HORMAD2: variants seen among roughly 807,000 people sequenced by gnomAD.
HORMAD2 encodes HORMA domain-containing protein 2.
Under a neutral mutation model 38.8 loss-of-function variants are expected in HORMAD2, and 45 were observed. That is an observed-to-expected ratio of 1.16 (90% CI 0.91 to 1.49). The LOEUF is 1.49. Ranked by LOEUF, HORMAD2 falls within the 40% of genes most tolerant of loss-of-function variation. The probability of loss-of-function intolerance (pLI) is 0.00; values close to 1 mark genes in which losing one functional copy is unlikely to be tolerated. For synonymous variants in HORMAD2, 126 were observed against 122.8 expected, an observed-to-expected ratio of 1.03 and a Z score of -0.17; for missense variants, 338 against 367.0, an observed-to-expected ratio of 0.92 and a Z score of 0.65.
At chr22:30,196,706 T>A in the HORMAD2 span, among the ~76,000 whole-genome samples, 4 of 152,208 alleles carry the variant, frequency 2.6e-5, no homozygotes, top group African/African-American at 9.7e-5. Context: ...AAGTCTGCTG[T>A]GCTCTCTTAA....
At chr22:30,094,807 T>G (rs1395986849) in intron 2 of HORMAD2, among the ~76,000 whole-genome samples, 1 of 152,162 alleles carries the variant, frequency 6.6e-6, no homozygotes, top group Non-Finnish European at 1.5e-5. Context: ...AGCATATGCC[T>G]TGGCTCAGAA....
chr22:30,136,798 C>A, intron 10 of HORMAD2: 1 of 226,556 alleles, frequency 4.4e-6, no homozygotes, highest in South Asian at 8.3e-5. Flanking sequence ...TTTCCCAATT[C>A]AAACTTGGGC....
At chr22:30,133,466 C>CATATAT (rs60408642) in intron 10 of HORMAD2, among the ~76,000 whole-genome samples, 45 of 147,220 alleles carry the variant, frequency 3.1e-4, no homozygotes, top group African/African-American at 9.2e-4. Flanking sequence ...TATATATATA[C>CATATAT]ATATATATAT....
At chr22:30,149,298 A>C (rs1290153055) in intron 10 of HORMAD2, among the ~76,000 whole-genome samples, 4 of 152,208 alleles carry the variant, frequency 2.6e-5, no homozygotes, top group African/African-American at 9.6e-5. Flanking sequence ...TGCACTGCCC[A>C]AAATGGTAGC....
intron 1 of HORMAD2, among the ~76,000 whole-genome samples, chr22:30,083,433 A>G (rs1158640339): frequency 1.3e-5 from 2 of 152,252 alleles, no homozygotes; most frequent in African/African-American, 4.8e-5. Context: ...GAGCCTGAAC[A>G]AAGGGATAAC....
chr22:30,152,811 T>C (rs569968275), intron 10 of HORMAD2, among the ~76,000 whole-genome samples: 1 of 152,224 alleles, frequency 6.6e-6, no homozygotes, highest in Non-Finnish European at 1.5e-5. Flanking sequence ...AAATCTTTGA[T>C]CATATGCTCT....
the HORMAD2 span, among the ~76,000 whole-genome samples, chr22:30,190,041 T>C: frequency 6.6e-6 from 1 of 152,210 alleles, no homozygotes; most frequent in Non-Finnish European, 1.5e-5. Flanking sequence ...AATGGTATAC[T>C]ATTCTAATAC....
At chr22:30,132,509 C>T (rs1303805026) in intron 10 of HORMAD2, among the ~76,000 whole-genome samples, 1 of 149,630 alleles carries the variant, frequency 6.7e-6, no homozygotes, top group African/African-American at 2.5e-5. Flanking sequence ...TACTGCACTC[C>T]AGCCTGGGAG....
At chr22:30,111,760 T>G in intron 5 of HORMAD2, 36 bp from the exon 6 acceptor site, 1 of 1,464,526 alleles carries the variant, frequency 6.8e-7, no homozygotes, top group Admixed American at 2.1e-5. Flanking sequence ...GGTGCAAGTA[T>G]GTAATAATAA....
chr22:30,102,353 G>A (rs539401171), intron 3 of HORMAD2, among the ~76,000 whole-genome samples: 15 of 152,268 alleles, frequency 9.9e-5, no homozygotes, highest in Admixed American at 2.0e-4. Context: ...ATTCCCTATA[G>A]CTTTATTTTT....
At chr22:30,088,177 A>ATG (rs1569079603) in intron 1 of HORMAD2, among the ~76,000 whole-genome samples, 40 of 150,674 alleles carry the variant, frequency 2.7e-4, no homozygotes, top group Non-Finnish European at 7.4e-5. Context: ...ATGTATACAT[A>ATG]TATACATATA....
At chr22:30,141,287 C>T (rs1924055054) in intron 10 of HORMAD2, among the ~76,000 whole-genome samples, 1 of 152,110 alleles carries the variant, frequency 6.6e-6, no homozygotes, top group African/African-American at 2.4e-5. Context: ...CATGAGCCAC[C>T]TCTGATTTCC....
chr22:30,119,056 T>C lies in HORMAD2; in HGVS notation c.410+9T>C. ...ACTATGGATTTTGACAGGTAGAATC[T>C]AACTGCTTAATGAACATGAGAAATA... On this transcript the variant is annotated intron_variant, in intron 8 of 10. Transcript: ENST00000336726. 1.3e-6 allele frequency: 2 copies of C among 1,548,782 alleles called. No individual in the cohort carries two copies. Among genetic ancestry groups the C allele is most frequent in the Non-Finnish European group, 1.8e-6 (2 of 1,136,730 alleles).
At chr22:30,148,771 G>A (rs182134862) in intron 10 of HORMAD2, among the ~76,000 whole-genome samples, 1 of 152,264 alleles carries the variant, frequency 6.6e-6, no homozygotes, top group Non-Finnish European at 1.5e-5. Context: ...TTGGGAGGCC[G>A]AGACGGGCAG....
intron 2 of HORMAD2, among the ~76,000 whole-genome samples, chr22:30,094,903 G>C (rs894612456): frequency 1.3e-5 from 2 of 152,122 alleles, no homozygotes; most frequent in Admixed American, 6.6e-5. Context: ...GCATTGCACT[G>C]TCTTTTCCTA....
intron 1 of HORMAD2, among the ~76,000 whole-genome samples, chr22:30,087,832 A>C (rs2146058907): frequency 6.6e-6 from 1 of 152,252 alleles, no homozygotes; most frequent in South Asian, 2.1e-4. Context: ...ATTCATGAGA[A>C]ACTGCCCAGA....
At chr22:30,151,483 A>G (rs999637574) in intron 10 of HORMAD2, among the ~76,000 whole-genome samples, 3 of 152,208 alleles carry the variant, frequency 2.0e-5, no homozygotes, top group South Asian at 2.1e-4. Context: ...GAGAATTGGT[A>G]AAGTATTGCT....
chr22:30,164,851 TAACCCATTA>T (rs1187615568), intron 10 of HORMAD2, among the ~76,000 whole-genome samples: 1 of 152,218 alleles, frequency 6.6e-6, no homozygotes, highest in Non-Finnish European at 1.5e-5. Flanking sequence ...TTTTGGACAT[TAACCCATTA>T]TTAGATAAAT....
At chr22:30,162,383 C>T (rs1441874749) in intron 10 of HORMAD2, among the ~76,000 whole-genome samples, 2 of 151,970 alleles carry the variant, frequency 1.3e-5, no homozygotes, top group African/African-American at 2.4e-5. Context: ...CCACTAGCCA[C>T]ATGTGGCTAT....
Sources: allele counts gnomAD v4.1 joint callset (sites outside exome capture counted in the v4.1 genomes callset), GRCh38; gene constraint gnomAD v4.1.1; transcripts MANE v1.5; gene names NCBI Gene and HGNC (gene_info 2026-07-23, HGNC 2026-07-21).